Variants in GDF5 observed in about 807,000 individuals in gnomAD.
GDF5 encodes growth/differentiation factor 5.
A neutral mutation model predicts 34.6 loss-of-function variants in GDF5; 17 were observed. The observed-to-expected ratio is 0.49, with a 90% CI of 0.34 to 0.74. The LOEUF is 0.74. Among genes scored for constraint, GDF5 ranks in the 30% least tolerant of loss-of-function variants. GDF5 has a pLI of 0.01. For synonymous variants in GDF5, 332 were observed against 290.7 expected, an observed-to-expected ratio of 1.14 and a Z score of -1.44; for missense variants, 616 against 661.2, an observed-to-expected ratio of 0.93 and a Z score of 0.75.
At chr20:35,451,082 T>TATATATATATATATATAA (rs2062531665) in intron 1 of GDF5, among the ~76,000 whole-genome samples, 1 of 120,996 alleles carries the variant, frequency 8.3e-6, no homozygotes, top group Non-Finnish European at 1.8e-5. Flanking sequence ...TATATATATA[T>TATATATATATATATATAA]ATATATATAT....
chr20:35,442,153 T>A (rs2062499887), upstream of GDF5, among the ~76,000 whole-genome samples: 1 of 152,084 alleles, frequency 6.6e-6, no homozygotes, highest in Admixed American at 6.5e-5. Flanking sequence ...AAGTAACTTT[T>A]TTTATTTTTT....
intron 1 of GDF5, among the ~76,000 whole-genome samples, chr20:35,450,123 T>G (rs6142389): frequency 6.9e-6 from 1 of 145,380 alleles, no homozygotes; most frequent in East Asian, 2.0e-4. Context: ...GCTAACATGG[T>G]GAAACCCCAT....
At chr20:35,445,448 A>G (rs1304240054) in intron 1 of GDF5, among the ~76,000 whole-genome samples, 2 of 151,062 alleles carry the variant, frequency 1.3e-5, no homozygotes, top group African/African-American at 4.9e-5. Flanking sequence ...GGCAGATAAC[A>G]AATTCAGAAG....
intron 1 of GDF5, among the ~76,000 whole-genome samples, chr20:35,448,776 G>A (rs979908493): frequency 6.6e-6 from 1 of 152,148 alleles, no homozygotes; most frequent in Non-Finnish European, 1.5e-5. Context: ...AGAGGACCTG[G>A]TCCTGTGGGA....
At chr20:35,451,379 C>T (rs1349530357) in intron 1 of GDF5, among the ~76,000 whole-genome samples, 1 of 151,862 alleles carries the variant, frequency 6.6e-6, no homozygotes, top group African/African-American at 2.4e-5. Context: ...CATCCATTGC[C>T]TTTCCCTCCA....
intron 1 of GDF5, among the ~76,000 whole-genome samples, chr20:35,443,724 C>T (rs1328826328): frequency 1.3e-5 from 2 of 152,080 alleles, no homozygotes; most frequent in Non-Finnish European, 2.9e-5. Flanking sequence ...GCTGGCCAGG[C>T]TGGTCTCGAA....
In GDF5 at chr20:35,438,093, T is replaced by A; in HGVS notation, c.-165A>T. 1 of 757,466 alleles carries A rather than the reference T, an allele frequency of 1.3e-6. No homozygotes were observed. Among genetic ancestry groups the A allele is most frequent in the Non-Finnish European group, 2.2e-6 (1 of 449,638 alleles). The allele number at this position is 757,466 out of a possible 1,614,324, so 46.9% of individuals were successfully genotyped here. On this transcript the variant is annotated 5_prime_UTR_variant, in exon 1 of 2. Coordinates refer to ENST00000374369, the MANE Select transcript of GDF5 (RefSeq NM_000557.5). ...TCCTCAGTCTGAGACTCTTGAAGTC[T>A]GCCGGGTGTGTGTTTGTATCCAGTC...
chr20:35,453,878 T>A (rs1431811605), intron 1 of GDF5: 13 of 533,880 alleles, frequency 2.4e-5, no homozygotes, highest in East Asian at 1.1e-4. Context: ...GGCCTTGTGC[T>A]GAGCGCTATA....
chr20:35,437,473 G>T lies in GDF5; in HGVS notation c.456C>A (p.Pro152=), dbSNP rs748783641. 6.2e-7 allele frequency: 1 copy of T among 1,614,068 alleles called. No individual in the cohort carries two copies. The highest frequency in any genetic ancestry group is 8.5e-7 in the Non-Finnish European group (1 of 1,179,978). The change falls in exon 1 of 2, where the codon CCC becomes CCA. Residue 152 remains proline, a synonymous_variant. Coordinates refer to ENST00000374369, the MANE Select transcript of GDF5 (RefSeq NM_000557.5). The part of the protein sequence containing the change: ...SSFLLKKARE[P]GPPREPKEPF... The stretch of plus-strand genomic sequence containing the variant: ...GCTCCTTGGGCTCTCGTGGGGGCCC[G>T]GGCTCCCTGGCCTTCTTCAGCAGGA...
chr20:35,451,057 A>T (rs1395141683), intron 1 of GDF5, among the ~76,000 whole-genome samples: 702 of 3,868 alleles, frequency 0.18, 79 homozygotes, highest in East Asian at 0.52. Context: ...AAAAAAAAAA[A>T]AAAAAAAATA....
At position 35,434,498 on chromosome 20, in the gene GDF5, G is replaced by A. The variant is rs762071973; in HGVS notation, c.917C>T (p.Ser306Leu). Residue 306 changes from serine to leucine, a missense_variant, in exon 2 of 2, where the codon TCG becomes TTG. Transcript: ENST00000374369. ...IWKLFRNFKN[S>L]AQLCLELEAW... ...CTCCAGCTCCAGGCACAGCTGGGCC[G>A]AGTTCTTAAAGTTTCGGAAGAGCTT... The A allele has an allele frequency of 2.6e-5, 42 of 1,608,848 alleles. No individual in the cohort carries two copies. Among genetic ancestry groups the A allele is most frequent in the Admixed American group, 3.4e-5 (2 of 59,160 alleles).
Position 35,434,057 on chromosome 20 carries a change from A to T in GDF5, c.1358T>A (p.Met453Lys), listed in dbSNP as rs1361307201. The change falls in exon 2 of 2, where the codon ATG becomes AAG. Residue 453 changes from methionine to lysine, a missense_variant. Met to Lys is a moderately conservative substitution (Grantham distance 95, BLOSUM62 -1). Coordinates refer to ENST00000374369, the MANE Select transcript of GDF5 (RefSeq NM_000557.5). ...TGTGGACTCGGGGTCCATGGAGTTC[A>T]TCAGGGTCTGGATGACTGCATGATT... Reference protein sequence around the residue: ...PTNHAVIQTLMNSMDPESTPP... With the variant: ...PTNHAVIQTLKNSMDPESTPP... 1 of 1,614,130 alleles carries T rather than the reference A, an allele frequency of 6.2e-7. No individual in the cohort carries two copies. The highest frequency in any genetic ancestry group is 8.5e-7 in the Non-Finnish European group (1 of 1,179,994).
At chr20:35,446,835 G>T (rs532249657) in intron 1 of GDF5, among the ~76,000 whole-genome samples, 4 of 152,196 alleles carry the variant, frequency 2.6e-5, no homozygotes, top group African/African-American at 9.6e-5. Flanking sequence ...GGAGCTGGCA[G>T]GGAGGAAAGC....
At chr20:35,447,352 C>T (rs1445018854) in intron 1 of GDF5, among the ~76,000 whole-genome samples, 4 of 152,168 alleles carry the variant, frequency 2.6e-5, no homozygotes, top group Non-Finnish European at 4.4e-5. Flanking sequence ...CAGCAGTGGC[C>T]ACTGCTCAGG....
chr20:35,439,297 A>T (rs1210638635), upstream of GDF5, among the ~76,000 whole-genome samples: 1 of 139,744 alleles, frequency 7.2e-6, no homozygotes, highest in East Asian at 2.1e-4. Flanking sequence ...GCATGATCTC[A>T]GCTCACTGCA....
upstream of GDF5, among the ~76,000 whole-genome samples, chr20:35,442,797 C>T (rs567451246): frequency 4.6e-5 from 7 of 151,968 alleles, no homozygotes; most frequent in African/African-American, 1.4e-4. Context: ...CTGCCCACCT[C>T]GGCCTCCCAA....
At chr20:35,436,117 A>G (rs912431482) in intron 1 of GDF5, among the ~76,000 whole-genome samples, 4 of 152,144 alleles carry the variant, frequency 2.6e-5, no homozygotes, top group African/African-American at 7.2e-5. Context: ...CTAAATTGCA[A>G]TTTGCCATTG....
intron 1 of GDF5, among the ~76,000 whole-genome samples, chr20:35,450,288 A>G (rs1427409789): frequency 6.6e-6 from 1 of 151,898 alleles, no homozygotes; most frequent in Non-Finnish European, 1.5e-5. Flanking sequence ...CCTGGGCTAC[A>G]AAGTGAGACT....
chr20:35,446,553 T>C (rs1257264006), intron 1 of GDF5, among the ~76,000 whole-genome samples: 1 of 151,398 alleles, frequency 6.6e-6, no homozygotes. Context: ...TCCTCCCTTC[T>C]CAGCCTCCTG....
Sources: allele counts gnomAD v4.1 joint callset (sites outside exome capture counted in the v4.1 genomes callset), GRCh38; gene constraint gnomAD v4.1.1; transcripts MANE v1.5; gene names NCBI Gene and HGNC (gene_info 2026-07-23, HGNC 2026-07-21).